PTPRM: variants seen among roughly 807,000 people sequenced by gnomAD.
PTPRM encodes the protein protein tyrosine phosphatase receptor type M.
In PTPRM, 47 loss-of-function variants were observed where a neutral mutation model predicts 186.7. The observed-to-expected ratio is 0.25, with a 90% CI of 0.20 to 0.32. PTPRM has a LOEUF of 0.32. Ranked by LOEUF, PTPRM falls within the 10% of genes least tolerant of loss-of-function variation. The pLI, the probability that PTPRM is intolerant of heterozygous loss-of-function variation, is 1.00. For synonymous variants in PTPRM, 668 were observed against 674.9 expected (o/e 0.99, Z 0.16); for missense variants, 1,494 against 1,865.0 (o/e 0.80, Z 3.66).
At chr18:8,197,517 GAA>G (rs2093795875) in intron 14 of PTPRM, among the ~76,000 whole-genome samples, 1 of 152,206 alleles carries the variant, frequency 6.6e-6, no homozygotes, top group South Asian at 2.1e-4. Context: ...AAGGTTAAAA[GAA>G]ACAGAATTAA....
At chr18:8,262,716 A>G (rs1178202316) in intron 19 of PTPRM, among the ~76,000 whole-genome samples, 3 of 152,212 alleles carry the variant, frequency 2.0e-5, no homozygotes, top group Non-Finnish European at 4.4e-5. Context: ...AACTGATAAT[A>G]CAGTAGGCAG....
intron 14 of PTPRM, among the ~76,000 whole-genome samples, chr18:8,170,269 A>T (rs1442269370): frequency 6.6e-6 from 1 of 152,190 alleles, no homozygotes; most frequent in Admixed American, 6.5e-5. Context: ...CAGAAGTCTT[A>T]ATCTGTGAGA....
chr18:8,281,587 CA>C (rs1281694426), intron 19 of PTPRM, among the ~76,000 whole-genome samples: 1 of 152,138 alleles, frequency 6.6e-6, no homozygotes, highest in Non-Finnish European at 1.5e-5. Context: ...TCTTTTGCCT[CA>C]ACTCTTTCCG....
chr18:8,298,251 C>T (rs1206618475), intron 20 of PTPRM, among the ~76,000 whole-genome samples: 1 of 152,190 alleles, frequency 6.6e-6, no homozygotes, highest in Non-Finnish European at 1.5e-5. Flanking sequence ...TCAGATTTCT[C>T]CTGATGGCTA....
At chr18:7,619,854 C>G (rs2037895658) in intron 1 of PTPRM, among the ~76,000 whole-genome samples, 1 of 152,154 alleles carries the variant, frequency 6.6e-6, no homozygotes, top group African/African-American at 2.4e-5. Flanking sequence ...AATGTCACTT[C>G]TGAGCAGAAG....
chr18:7,639,175 C>T (rs894296124), intron 1 of PTPRM, among the ~76,000 whole-genome samples: 8 of 151,856 alleles, frequency 5.3e-5, no homozygotes, highest in African/African-American at 1.7e-4. Context: ...CCAGGGTTCA[C>T]GCCATTCTCC....
intron 4 of PTPRM, among the ~76,000 whole-genome samples, chr18:7,918,308 C>T (rs1379721774): frequency 2.6e-5 from 4 of 151,838 alleles, no homozygotes; most frequent in Non-Finnish European, 5.9e-5. Flanking sequence ...TTTGAGAAAC[C>T]TCAATGCAGT....
At chr18:7,777,249 C>G (rs1184448599) in intron 2 of PTPRM, among the ~76,000 whole-genome samples, 1 of 152,156 alleles carries the variant, frequency 6.6e-6, no homozygotes, top group Non-Finnish European at 1.5e-5. Flanking sequence ...CAAGAGTTGG[C>G]AAACTGCCCT....
intron 3 of PTPRM, among the ~76,000 whole-genome samples, chr18:7,902,238 C>G (rs2146509528): frequency 6.6e-6 from 1 of 152,280 alleles, no homozygotes; most frequent in African/African-American, 2.4e-5. Context: ...TCCTTCTTTG[C>G]CTCTTGATAT....
At chr18:8,286,248 T>C (rs2094955822) in intron 19 of PTPRM, among the ~76,000 whole-genome samples, 1 of 152,132 alleles carries the variant, frequency 6.6e-6, no homozygotes, top group South Asian at 2.1e-4. Context: ...CAAATCACAT[T>C]AGTGAAATGA....
At chr18:8,040,165 C>T (rs1177204998) in intron 7 of PTPRM, among the ~76,000 whole-genome samples, 1 of 152,146 alleles carries the variant, frequency 6.6e-6, no homozygotes, top group East Asian at 1.9e-4. Context: ...TGTGTTTGAG[C>T]ATGTGGAGGG....
chr18:7,748,760 C>T (rs114872472), intron 1 of PTPRM, among the ~76,000 whole-genome samples: 1,544 of 152,244 alleles, frequency 0.01, 25 homozygotes, highest in African/African-American at 0.035. Flanking sequence ...CCCAAATCCT[C>T]CTTGCCACTT....
At chr18:7,680,660 A>G (rs996813795) in intron 1 of PTPRM, among the ~76,000 whole-genome samples, 1 of 152,136 alleles carries the variant, frequency 6.6e-6, no homozygotes, top group Non-Finnish European at 1.5e-5. Context: ...CTTTACCAGG[A>G]TGTCGGTCAT....
intron 1 of PTPRM, among the ~76,000 whole-genome samples, chr18:7,622,000 A>T (rs1040971568): frequency 2.0e-5 from 3 of 152,146 alleles, no homozygotes; most frequent in Admixed American, 1.3e-4. Flanking sequence ...TGATTGCTGG[A>T]TCATATGGTA....
intron 7 of PTPRM, among the ~76,000 whole-genome samples, chr18:7,964,883 G>C (rs1030946795): frequency 3.9e-5 from 6 of 152,054 alleles, no homozygotes; most frequent in Non-Finnish European, 7.4e-5. Flanking sequence ...CTGTTCTGCA[G>C]GGTGGCAAAA....
intron 2 of PTPRM, among the ~76,000 whole-genome samples, chr18:7,778,045 A>G (rs1185875100): frequency 1.3e-5 from 2 of 152,188 alleles, no homozygotes; most frequent in Non-Finnish European, 2.9e-5. Flanking sequence ...AGAGACTAAC[A>G]TTTCATTCTA....
rs2048868494 is a variant in PTPRM at position 7,887,942 on chromosome 18, AG to A, written c.197-162del. 6.1e-6 allele frequency: 5 copies of A among 819,408 alleles called. 1 individual carries two copies. The South Asian group carries it at 6.7e-5, about 11-fold the overall frequency. The allele number at this position is 819,408 out of a possible 1,614,324, so 50.8% of individuals were successfully genotyped here. A position where few individuals can be genotyped will look rare whatever the true frequency, so the allele number is the denominator to read the frequency against. On this transcript the variant is annotated intron_variant, in intron 2 of 32. Coordinates refer to ENST00000580170, the MANE Select transcript of PTPRM (RefSeq NM_001105244.2). Reference sequence around the variant, plus strand: ...TGAGAACATATAGGGGGATGATAGGAGGAGGAGGTGGTGATATATGAAATAG... The same window carrying A: ...TGAGAACATATAGGGGGATGATAGGAGAGGAGGTGGTGATATATGAAATAG...
chr18:8,246,159 C>G (rs2094475030), intron 15 of PTPRM, among the ~76,000 whole-genome samples: 1 of 152,120 alleles, frequency 6.6e-6, no homozygotes, highest in African/African-American at 2.4e-5. Context: ...AATAAGACAG[C>G]AGTTTCTGGG....
At chr18:7,956,565 T>G (rs2053324669) in intron 7 of PTPRM, among the ~76,000 whole-genome samples, 2 of 152,240 alleles carry the variant, frequency 1.3e-5, no homozygotes, top group South Asian at 4.1e-4. Context: ...TGTACATCTT[T>G]CATCTGTTTC....
Sources: gnomAD v4.1 joint callset for allele counts (sites outside exome capture counted in the v4.1 genomes callset) on GRCh38, gnomAD v4.1.1 for gene constraint, MANE v1.5 for transcripts, NCBI Gene and HGNC (gene_info 2026-07-23, HGNC 2026-07-21) for gene names.